SLTM: variants seen among roughly 807,000 people sequenced by gnomAD.
SLTM encodes the protein SAFB like transcription modulator.
A neutral mutation model predicts 134.6 loss-of-function variants in SLTM; 43 were observed. The ratio of observed to expected loss-of-function variants is 0.32; its 90% CI spans 0.25 to 0.41. The LOEUF (loss-of-function observed/expected upper bound fraction) is 0.41, where lower values mean the gene tolerates loss of function less well. Ranked by LOEUF, SLTM falls within the 10% of genes least tolerant of loss-of-function variation. The pLI is 1.00. For synonymous variants in SLTM, 424 were observed against 432.3 expected, an observed-to-expected ratio of 0.98 and a Z score of 0.24; for missense variants, 1,055 against 1,288.8, an observed-to-expected ratio of 0.82 and a Z score of 2.78.
rs192232091 is a variant in SLTM, at chr15:58,896,841, G to T, written c.1227+274C>A. Among the ~76,000 whole-genome samples the T allele has an allele frequency of 2.7e-4, 41 of 152,236 alleles. No homozygotes were observed. The East Asian group carries it at 7.7e-3, about 29-fold the overall frequency. On this transcript the variant is annotated intron_variant, in intron 9 of 20. Coordinates refer to ENST00000380516, the MANE Select transcript of SLTM (RefSeq NM_024755.4). ...TAGATCCCAAGCTACGTGCTACAAA[G>T]TATCATGATGAATAAACTTATTAGT...
intron 5 of SLTM, among the ~76,000 whole-genome samples, chr15:58,906,796 A>C (rs2035893583): frequency 6.6e-6 from 1 of 152,256 alleles, no homozygotes; most frequent in African/African-American, 2.4e-5. Flanking sequence ...ATGTAGTGTA[A>C]GACTGCTGTT....
In SLTM at chr15:58,933,062, C is replaced by T. The variant is rs536507860; in HGVS notation, c.162+342G>A. Among the ~76,000 whole-genome samples the T allele has an allele frequency of 7.2e-5, 11 of 152,310 alleles. No homozygotes were observed. The East Asian group carries it at 1.9e-3, about 27-fold the overall frequency. The stretch of plus-strand genomic sequence containing the variant: ...TGCACACGCTCACCATGGCTAAAGG[C>T]TGGGGAGCCAGCGCCTCCCAGGTCT... On this transcript the variant is annotated intron_variant, in intron 1 of 20. Coordinates refer to ENST00000380516, the MANE Select transcript of SLTM (RefSeq NM_024755.4).
chr15:58,917,208 G>C (rs575828243), intron 2 of SLTM, among the ~76,000 whole-genome samples: 1 of 152,176 alleles, frequency 6.6e-6, no homozygotes, highest in Non-Finnish European at 1.5e-5. Flanking sequence ...ACCGTGCACA[G>C]AATCCTACAT....
intron 20 of SLTM, chr15:58,883,348 C>T (rs2033898028): frequency 3.2e-6 from 1 of 313,576 alleles, no homozygotes; most frequent in Admixed American, 4.1e-5. Flanking sequence ...CAAAAGAATT[C>T]ATTGTTTACT....
chr15:58,929,088 T>C (rs2037682277), intron 2 of SLTM, among the ~76,000 whole-genome samples: 1 of 152,128 alleles, frequency 6.6e-6, no homozygotes, highest in Non-Finnish European at 1.5e-5. Context: ...ATAACCAAGA[T>C]GAAATTATTT....
chr15:58,896,367 T>G (rs2035077456), intron 9 of SLTM, among the ~76,000 whole-genome samples: 1 of 152,160 alleles, frequency 6.6e-6, no homozygotes, highest in African/African-American at 2.4e-5. Context: ...GAGATCAGCC[T>G]GGCCAACATA....
intron 5 of SLTM, among the ~76,000 whole-genome samples, chr15:58,908,486 C>G (rs1010199366): frequency 1.3e-5 from 2 of 152,152 alleles, no homozygotes; most frequent in Non-Finnish European, 2.9e-5. Flanking sequence ...CCAGCCTCAG[C>G]CTCCTGAGTA....
At position 58,892,915 on chromosome 15, in the gene SLTM, C is replaced by A; in HGVS notation, c.1880G>T (p.Arg627Leu). ...TTCCTACCTTCGAAGTTCCATTGCTCGTCGCAGCCTTTCAAAACGAACTAA... is the reference window on the plus strand; with the variant it reads ...TTCCTACCTTCGAAGTTCCATTGCTAGTCGCAGCCTTTCAAAACGAACTAA... Reference protein sequence around the residue: ...EHLVRFERLRRAMELRRRREI... With the variant: ...EHLVRFERLRLAMELRRRREI... The change falls in exon 14 of 21, where the codon CGA becomes CTA. Residue 627 changes from arginine to leucine, a missense_variant. Physicochemically the swap from Arg to Leu is moderately radical, Grantham distance 102 (BLOSUM62 -2). Coordinates refer to ENST00000380516, the MANE Select transcript of SLTM (RefSeq NM_024755.4). The A allele has an allele frequency of 1.9e-6, 3 of 1,613,078 alleles. No homozygotes were observed. The highest frequency in any genetic ancestry group is 1.1e-5 in the South Asian group (1 of 90,898).
chr15:58,898,614 C>A, intron 8 of SLTM, 189 bp downstream of exon 8: 1 of 410,222 alleles, frequency 2.4e-6, no homozygotes, highest in East Asian at 4.7e-5. Context: ...ACAAAGTAAA[C>A]AGTAACACAT....
Position 58,899,208 on chromosome 15 carries a change from G to GAAA in SLTM, c.1058+258_1058+260dup. On this transcript the variant is annotated intron_variant, in intron 7 of 20. Coordinates refer to ENST00000380516, the MANE Select transcript of SLTM (RefSeq NM_024755.4). This position sits in a 1 kb window ranked among gnomAD's most constrained non-coding sequence, Gnocchi z 5.0. ...TAAAACACAAAAAAATTGTCAATTT[G>GAAA]AAAAAAAAAAACAAAAAACAAAAAA... The GAAA allele has an allele frequency of 5.7e-6, 2 of 350,082 alleles. No homozygotes were observed. The highest frequency in any genetic ancestry group is 5.9e-5 in the South Asian group (1 of 16,816). 21.7% of individuals were successfully genotyped at this position (350,082 alleles called of 1,614,324 possible).
chr15:58,930,599 G>T (rs2037804247), intron 2 of SLTM, among the ~76,000 whole-genome samples: 1 of 151,670 alleles, frequency 6.6e-6, no homozygotes, highest in African/African-American at 2.4e-5. Context: ...TGTAGTCCCA[G>T]CTACCAGGGA....
At chr15:58,883,383 A>G (rs2033901539) in intron 20 of SLTM, 5 of 508,266 alleles carry the variant, frequency 9.8e-6, no homozygotes, top group South Asian at 4.7e-5. Context: ...GTACATACCC[A>G]TATCTATATC....
At chr15:58,881,171 G>T (rs1207869206) in intron 20 of SLTM, among the ~76,000 whole-genome samples, 1 of 151,888 alleles carries the variant, frequency 6.6e-6, no homozygotes, top group Non-Finnish European at 1.5e-5. Context: ...CCCAGCCTGG[G>T]TGTCACAGCG....
chr15:58,929,348 T>G (rs1332268847), intron 2 of SLTM, among the ~76,000 whole-genome samples: 24 of 152,116 alleles, frequency 1.6e-4, no homozygotes, highest in Non-Finnish European at 2.9e-5. Context: ...CTCGGGAGGC[T>G]GAGGCAGGAG....
At chr15:58,905,272 G>A (rs1436980902) in intron 5 of SLTM, among the ~76,000 whole-genome samples, 2 of 152,224 alleles carry the variant, frequency 1.3e-5, no homozygotes, top group Non-Finnish European at 2.9e-5. Context: ...AGACAGCAAG[G>A]AAAGAATGAG....
chr15:58,926,427 T>C (rs1389297221), intron 2 of SLTM, among the ~76,000 whole-genome samples: 5 of 152,200 alleles, frequency 3.3e-5, no homozygotes, highest in Admixed American at 1.3e-4. Context: ...TCAACATGTG[T>C]TGTAATATGA....
At chr15:58,921,830 T>C (rs1409970113) in intron 2 of SLTM, among the ~76,000 whole-genome samples, 1 of 152,080 alleles carries the variant, frequency 6.6e-6, no homozygotes, top group African/African-American at 2.4e-5. Context: ...GGCTGAAGTG[T>C]AGTGGCATGA....
Position 58,933,398 on chromosome 15 carries a change from C to A in SLTM, c.162+6G>T. 6.3e-7 allele frequency: 1 copy of A among 1,575,804 alleles called. No individual in the cohort carries two copies. Among genetic ancestry groups the A allele is most frequent in the Non-Finnish European group, 8.6e-7 (1 of 1,161,122 alleles). On this transcript the variant is annotated splice_donor_region_variant and intron_variant, in intron 1 of 20. Transcript: ENST00000380516. ...CCGGTCCTTTCCGGTCCTCGCCGGG[C>A]CTCACCTGCTTGAGTCGGGAGATGA...
At chr15:58,903,973 T>C (rs1408729690) in intron 5 of SLTM, among the ~76,000 whole-genome samples, 1 of 152,224 alleles carries the variant, frequency 6.6e-6, no homozygotes, top group African/African-American at 2.4e-5. Context: ...ATTTCTTTTT[T>C]TAAGTATTTT....
Sources: gnomAD v4.1 joint callset for allele counts (sites outside exome capture counted in the v4.1 genomes callset) on GRCh38, gnomAD v4.1.1 for gene constraint, Gnocchi (gnomAD v3.1) non-coding constraint, MANE v1.5 for transcripts, NCBI Gene and HGNC (gene_info 2026-07-23, HGNC 2026-07-21) for gene names.